The following NCAPD2 variants were observed in gnomAD, a reference collection of about 807,000 sequenced individuals.
NCAPD2 encodes the protein condensin complex subunit 1.
In NCAPD2, 100 loss-of-function variants were observed where a neutral mutation model predicts 164.5. The observed-to-expected ratio is 0.61, with a 90% CI of 0.52 to 0.72. NCAPD2 has a LOEUF of 0.72. NCAPD2 is among the 30% of genes least tolerant of loss of function. The pLI, the probability that NCAPD2 is intolerant of heterozygous loss-of-function variation, is 0.00. For missense variants in NCAPD2, 1,560 were observed against 1,749.2 expected (o/e 0.89, Z 1.93); for synonymous variants, 585 against 642.6 (o/e 0.91, Z 1.36).
At chr12:6,513,064 G>A (rs564823779) in intron 6 of NCAPD2, among the ~76,000 whole-genome samples, 58 of 151,948 alleles carry the variant, frequency 3.8e-4, no homozygotes, top group Non-Finnish European at 6.5e-4. Flanking sequence ...TATTAGCCAC[G>A]TAAAGTCAGA....
intron 2 of NCAPD2, among the ~76,000 whole-genome samples, chr12:6,508,591 C>T (rs1458623032): frequency 6.6e-6 from 1 of 152,112 alleles, no homozygotes; most frequent in East Asian, 1.9e-4. Flanking sequence ...GATAGAAAAT[C>T]ACCATTTAGT....
chr12:6,501,880 A>G (rs1946040903), intron 2 of NCAPD2, among the ~76,000 whole-genome samples: 2 of 152,240 alleles, frequency 1.3e-5, no homozygotes, highest in South Asian at 2.1e-4. Context: ...CTGCAGATTA[A>G]CTACTGGATT....
chr12:6,506,506 C>T (rs1048162865), intron 2 of NCAPD2, among the ~76,000 whole-genome samples: 2 of 151,560 alleles, frequency 1.3e-5, no homozygotes, highest in African/African-American at 2.4e-5. Context: ...AGGAGAGTGG[C>T]GTGAACCCAG....
intron 2 of NCAPD2, among the ~76,000 whole-genome samples, chr12:6,503,468 T>C (rs1946057965): frequency 2.0e-5 from 3 of 152,060 alleles, no homozygotes. Flanking sequence ...CTTTTTATAA[T>C]AGTATGAATA....
chr12:6,510,425 G>C, intron 4 of NCAPD2: 1 of 791,980 alleles, frequency 1.3e-6, no homozygotes, highest in Non-Finnish European at 2.3e-6. Flanking sequence ...GAGAGAAATT[G>C]TGGTAACTGG....
intron 2 of NCAPD2, among the ~76,000 whole-genome samples, chr12:6,497,612 G>A (rs1298658295): frequency 8.2e-6 from 1 of 121,856 alleles, no homozygotes; most frequent in African/African-American, 3.5e-5. Context: ...TCTTGTTCCT[G>A]TCACTTTTTT....
chr12:6,521,405 G>C (rs572447091), intron 14 of NCAPD2, among the ~76,000 whole-genome samples: 1 of 152,378 alleles, frequency 6.6e-6, no homozygotes, highest in African/African-American at 2.4e-5. Flanking sequence ...TCCAGGGCCA[G>C]ATGTCGTGGC....
chr12:6,518,517 T>TTTG lies in NCAPD2; in HGVS notation c.1589+560_1589+561insGTT, dbSNP rs1565544182. ...AGCCGTCAACAAGTTTTTTTTTTTTTTTTTTTTTTTTTTTTTTGAGATGGA... is the reference window on the plus strand; with the variant it reads ...AGCCGTCAACAAGTTTTTTTTTTTTTTTGTTTTTTTTTTTTTTTTTGAGATGGA... On this transcript the variant is annotated intron_variant, in intron 13 of 31. Transcript: ENST00000315579. Among the ~76,000 whole-genome samples the TTTG allele has an allele frequency of 2.9e-4, 33 of 113,054 alleles. 1 individual carries two copies. The highest frequency in any genetic ancestry group is 9.9e-4 in the African/African-American group (27 of 27,340). 74.2% of individuals were successfully genotyped at this position (113,054 alleles called of 152,430 possible).
chr12:6,511,436 A>G (rs7358654), intron 6 of NCAPD2, among the ~76,000 whole-genome samples, 184 bp downstream of exon 6: 118,648 of 151,862 alleles, frequency 0.78, 46,878 homozygotes, highest in African/African-American at 0.91. Flanking sequence ...GGGTTCAAGC[A>G]ATTTTCCTGC....
chr12:6,494,495 G>C (rs1271539293), intron 1 of NCAPD2, among the ~76,000 whole-genome samples: 3 of 152,222 alleles, frequency 2.0e-5, no homozygotes, highest in Non-Finnish European at 2.9e-5. Context: ...TATGATACAT[G>C]CAAACAGCCT....
intron 2 of NCAPD2, among the ~76,000 whole-genome samples, chr12:6,505,939 T>A (rs546702699): frequency 6.6e-6 from 1 of 151,854 alleles, no homozygotes; most frequent in South Asian, 2.1e-4. Flanking sequence ...TGTCATGTAC[T>A]GTCTGTGTTT....
intron 6 of NCAPD2, among the ~76,000 whole-genome samples, chr12:6,512,897 G>A (rs959712772): frequency 6.6e-6 from 1 of 152,194 alleles, no homozygotes; most frequent in Non-Finnish European, 1.5e-5. Flanking sequence ...GTGTGAGGTG[G>A]GAGGGAGAGT....
intron 2 of NCAPD2, among the ~76,000 whole-genome samples, chr12:6,505,706 A>G (rs1002659425): frequency 2.0e-4 from 30 of 151,918 alleles, no homozygotes; most frequent in African/African-American, 6.0e-4. Context: ...AGGTGTGGTA[A>G]ATATAAAAAT....
Position 6,498,193 on chromosome 12 carries a change from G to A in NCAPD2, c.127+2968G>A, listed in dbSNP as rs573093582. On this transcript the variant is annotated intron_variant, in intron 2 of 31. Coordinates refer to ENST00000315579, the MANE Select transcript of NCAPD2 (RefSeq NM_014865.4). ...CAAAGTGCTGAGATTACAGGTGTGAGCCACTGCACCCAGCCAAGAGTCCTT... is the reference window on the plus strand; with the variant it reads ...CAAAGTGCTGAGATTACAGGTGTGAACCACTGCACCCAGCCAAGAGTCCTT... 7.9e-5 allele frequency among the ~76,000 whole-genome samples: 12 copies of A among 152,314 alleles called. No homozygotes were observed. The South Asian group carries it at 2.5e-3, about 32-fold the overall frequency.
chr12:6,495,105 C>T lies in NCAPD2; in HGVS notation c.7C>T (p.Pro3Ser). 6.2e-7 allele frequency: 1 copy of T among 1,614,074 alleles called. No homozygotes were observed. Among genetic ancestry groups the T allele is most frequent in the Non-Finnish European group, 8.5e-7 (1 of 1,179,984 alleles). Residue 3 changes from proline to serine, a missense_variant, in exon 2 of 32, where the codon CCC becomes TCC. Transcript: ENST00000315579. MA[P>S]QMYEFHLPLS... Reference sequence around the variant, plus strand: ...GTGAGCCTGTAGGAGTAGAATGGCTCCCCAAATGTATGAGTTCCATCTGCC... The same window carrying T: ...GTGAGCCTGTAGGAGTAGAATGGCTTCCCAAATGTATGAGTTCCATCTGCC...
chr12:6,503,207 A>G (rs1407525953), intron 2 of NCAPD2, among the ~76,000 whole-genome samples: 1 of 152,134 alleles, frequency 6.6e-6, no homozygotes, highest in Admixed American at 6.6e-5. Flanking sequence ...AAAGCATGAC[A>G]GAGAAGTGAA....
Position 6,530,756 on chromosome 12 carries a change from G to C in NCAPD2, c.3903G>C (p.Lys1301Asn). 1 of 1,614,232 alleles carries C rather than the reference G, an allele frequency of 6.2e-7. No individual in the cohort carries two copies. The highest frequency in any genetic ancestry group is 8.5e-7 in the Non-Finnish European group (1 of 1,180,044). ...ACHTRGLDGIKELEIGQAGSQ... is the reference protein window; with the variant it reads ...ACHTRGLDGINELEIGQAGSQ... ...ATACCAGAGGTTTGGATGGAATCAA[G>C]GAGCTTGAGATTGGCCAAGCAGGTA... The change falls in exon 30 of 32, where the codon AAG (lysine) becomes AAC (asparagine). Residue 1301 changes from lysine (K) to asparagine (N), a missense_variant. Coordinates refer to ENST00000315579, the MANE Select transcript of NCAPD2 (RefSeq NM_014865.4).
chr12:6,529,825 TCA>T lies in NCAPD2; in HGVS notation c.3707_3708del (p.Thr1236ArgfsTer6). On this transcript the variant is annotated frameshift_variant, in exon 29 of 32. Transcript: ENST00000315579. LOFTEE classifies it high-confidence loss of function. ...GCCTACTGTGTGTCACAGCTGCCCCTCACAGAGCGAGGCCTCCGTAAGATGCT... is the reference window on the plus strand; with the variant it reads ...GCCTACTGTGTGTCACAGCTGCCCCTCAGAGCGAGGCCTCCGTAAGATGCT... 6.2e-7 allele frequency: 1 copy of T among 1,614,230 alleles called. No homozygotes were observed.
Position 6,499,490 on chromosome 12 carries a change from C to G in NCAPD2, c.127+4265C>G, listed in dbSNP as rs1281040548. 2.6e-5 allele frequency among the ~76,000 whole-genome samples: 4 copies of G among 152,230 alleles called. No individual in the cohort carries two copies. In the South Asian group the frequency reaches 6.2e-4, roughly 24 times the overall value. Reference sequence around the variant, plus strand: ...GCACCCTCCACCTCACAGGTTCAAGCAATTCTCCTGCTTCAGCCTCCCAAG... The same window carrying G: ...GCACCCTCCACCTCACAGGTTCAAGGAATTCTCCTGCTTCAGCCTCCCAAG... On this transcript the variant is annotated intron_variant, in intron 2 of 31. Transcript: ENST00000315579.
Sources: allele counts gnomAD v4.1 joint callset (sites outside exome capture counted in the v4.1 genomes callset), GRCh38; gene constraint gnomAD v4.1.1; transcripts MANE v1.5; gene names NCBI Gene and HGNC (gene_info 2026-07-23, HGNC 2026-07-21).